The following RIPOR3 variants were observed in gnomAD, a reference collection of about 807,000 sequenced individuals.
RIPOR3 encodes family with sequence similarity 65 member C.
A neutral mutation model predicts 114.3 loss-of-function variants in RIPOR3; 95 were observed. The observed-to-expected ratio is 0.83, with a 90% CI of 0.70 to 0.99. The LOEUF (loss-of-function observed/expected upper bound fraction) is 0.99, where lower values mean the gene tolerates loss of function less well. Ranked by LOEUF, RIPOR3 falls within the 50% of genes least tolerant of loss-of-function variation. The pLI is 0.00. For missense variants in RIPOR3, 1,252 were observed against 1,266.9 expected (o/e 0.99, Z 0.18); for synonymous variants, 575 against 543.8 (o/e 1.06, Z -0.80).
At chr20:50,684,328 G>T (rs2086948045) in intron 1 of RIPOR3, among the ~76,000 whole-genome samples, 2 of 152,198 alleles carry the variant, frequency 1.3e-5, no homozygotes, top group Non-Finnish European at 2.9e-5. Flanking sequence ...GGGCCACTTG[G>T]ATATCTGAAG....
chr20:50,668,560 C>T (rs1332574515), intron 1 of RIPOR3, among the ~76,000 whole-genome samples: 1 of 151,910 alleles, frequency 6.6e-6, no homozygotes, highest in Non-Finnish European at 1.5e-5. Context: ...TGGAGTGCCT[C>T]AAATTAGGGG....
chr20:50,654,890 C>T (rs2123423616), intron 1 of RIPOR3, among the ~76,000 whole-genome samples: 1 of 152,224 alleles, frequency 6.6e-6, no homozygotes, highest in East Asian at 1.9e-4. Context: ...GGACTACAGG[C>T]ACGCACCACC....
intron 7 of RIPOR3, 81 bp downstream of exon 7, chr20:50,609,492 A>ACTGGCCCAGCTCTCGATGTCCCCACTGC (rs2083866723): frequency 1.4e-6 from 2 of 1,445,218 alleles, no homozygotes; most frequent in Non-Finnish European, 1.8e-6. Flanking sequence ...TCCAGCCCCC[A>ACTGGCCCAGCTCTCGATGTCCCCACTGC]CTGGCCCAGC....
intron 3 of RIPOR3, among the ~76,000 whole-genome samples, chr20:50,618,397 C>G (rs1402967864): frequency 6.6e-6 from 1 of 150,514 alleles, no homozygotes; most frequent in African/African-American, 2.5e-5. Flanking sequence ...CCCCTGTCAT[C>G]TGGTCCCCAT....
chr20:50,618,037 A>G (rs1399300091), intron 3 of RIPOR3, among the ~76,000 whole-genome samples: 1 of 152,066 alleles, frequency 6.6e-6, no homozygotes, highest in Non-Finnish European at 1.5e-5. Flanking sequence ...AAGCCAAAGC[A>G]GGTGGATCAC....
chr20:50,626,187 G>A (rs1397025568), intron 2 of RIPOR3, among the ~76,000 whole-genome samples: 1 of 152,270 alleles, frequency 6.6e-6, no homozygotes, highest in African/African-American at 2.4e-5. Context: ...CAGGGAGCTC[G>A]ACGGAGACAG....
chr20:50,616,428 T>C (rs1429682426), intron 3 of RIPOR3, among the ~76,000 whole-genome samples: 4 of 152,328 alleles, frequency 2.6e-5, no homozygotes, highest in African/African-American at 7.2e-5. Flanking sequence ...CTGCAACCTC[T>C]ACTTCCTGGG....
In RIPOR3 at chr20:50,611,224, G is replaced by A. The variant is rs750861280; in HGVS notation, c.349-20C>T. On this transcript the variant is annotated intron_variant, in intron 4 of 21. Coordinates refer to ENST00000327979, the MANE Select transcript of RIPOR3 (RefSeq NM_001290268.2). ...GAAAGCCTGTGAGGGAGGAAAGGAG[G>A]GCGGAAGAAGCTGTCAGAGTCCCAC... 1.2e-6 allele frequency: 2 copies of A among 1,614,062 alleles called. No homozygotes were observed. The highest frequency in any genetic ancestry group is 2.2e-5 in the East Asian group (1 of 44,882).
intron 1 of RIPOR3, among the ~76,000 whole-genome samples, chr20:50,647,027 A>G (rs2085422531): frequency 6.6e-6 from 1 of 152,192 alleles, no homozygotes; most frequent in South Asian, 2.1e-4. Flanking sequence ...AGCTCATGTG[A>G]AAAAGAAAAG....
At chr20:50,618,896 G>A (rs143137192) in intron 3 of RIPOR3, among the ~76,000 whole-genome samples, 68 of 152,224 alleles carry the variant, frequency 4.5e-4, no homozygotes, top group Middle Eastern at 3.4e-3. Context: ...CCAACATGGC[G>A]AAACCCAGTC....
intron 19 of RIPOR3, among the ~76,000 whole-genome samples, chr20:50,591,518 A>T (rs1254225897): frequency 6.6e-6 from 1 of 152,174 alleles, no homozygotes; most frequent in East Asian, 1.9e-4. Context: ...ATAAAGAGTT[A>T]AAAACAACCA....
chr20:50,596,637 C>T (rs927977907), intron 14 of RIPOR3, among the ~76,000 whole-genome samples: 8 of 152,186 alleles, frequency 5.3e-5, no homozygotes, highest in Admixed American at 2.6e-4. Context: ...GCATGAAATA[C>T]GGTGGGCAAG....
Position 50,586,482 on chromosome 20 carries a change from T to G in RIPOR3, c.*750A>C, listed in dbSNP as rs1391124974. The G allele has an allele frequency of 6.6e-6, 1 of 151,966 alleles. No individual in the cohort carries two copies. Among genetic ancestry groups the G allele is most frequent in the Non-Finnish European group, 1.5e-5 (1 of 68,188 alleles). The allele number at this position is 151,966 out of a possible 1,614,324, so 9.4% of individuals were successfully genotyped here. ...TCCGAAGCTGGGTTGATTGATTGCATTTGGGTGCGGATGGCCAAAGTGAGT... is the reference window on the plus strand; with the variant it reads ...TCCGAAGCTGGGTTGATTGATTGCAGTTGGGTGCGGATGGCCAAAGTGAGT... On this transcript the variant is annotated 3_prime_UTR_variant, in exon 22 of 22. Coordinates refer to ENST00000327979, the MANE Select transcript of RIPOR3 (RefSeq NM_001290268.2).
chr20:50,652,606 A>AG, intron 1 of RIPOR3, among the ~76,000 whole-genome samples: 1 of 139,496 alleles, frequency 7.2e-6, no homozygotes, highest in East Asian at 2.1e-4. Flanking sequence ...AAAAAAAAAA[A>AG]AAAAAAAGAA....
At chr20:50,600,945 G>A (rs1332762818) in intron 13 of RIPOR3, among the ~76,000 whole-genome samples, 1 of 152,206 alleles carries the variant, frequency 6.6e-6, no homozygotes, top group African/African-American at 2.4e-5. Context: ...TGTTGGAGGT[G>A]TGGTTGGCGA....
chr20:50,595,612 G>C, intron 15 of RIPOR3, 108 bp from the exon 16 acceptor site: 1 of 1,446,784 alleles, frequency 6.9e-7, no homozygotes, highest in Admixed American at 1.9e-5. Flanking sequence ...TGTCCCGGGG[G>C]CAGCTCCCTG....
In RIPOR3 at chr20:50,587,236, A is replaced by G. The variant is rs776391362; in HGVS notation, c.2849T>C (p.Phe950Ser). Residue 950 changes from phenylalanine to serine, a missense_variant, in exon 22 of 22, where the codon TTT (phenylalanine) becomes TCT (serine). Phe to Ser is a radical substitution (Grantham distance 155). Transcript: ENST00000327979. Reference sequence around the variant, plus strand: ...GTGCTCATCAGCCAGGATTTTTTAAAATATTGTGATTTCAACATCTGCCTC... The same window carrying G: ...GTGCTCATCAGCCAGGATTTTTTAAGATATTGTGATTTCAACATCTGCCTC... ...CQEADVEITI[F>S] The G allele has an allele frequency of 1.9e-6, 3 of 1,613,550 alleles. No homozygotes were observed. Among genetic ancestry groups the G allele is most frequent in the Non-Finnish European group, 2.5e-6 (3 of 1,179,436 alleles).
chr20:50,622,184 CTT>C (rs1291668979), intron 2 of RIPOR3, among the ~76,000 whole-genome samples: 18 of 139,658 alleles, frequency 1.3e-4, no homozygotes, highest in Admixed American at 1.4e-4. Context: ...CATCAGTTCT[CTT>C]TTTTTTTTTT....
intron 1 of RIPOR3, among the ~76,000 whole-genome samples, chr20:50,674,802 G>A (rs936319272): frequency 6.6e-6 from 1 of 151,498 alleles, no homozygotes; most frequent in African/African-American, 2.4e-5. Context: ...GAAACTAAAA[G>A]CCAGGTGCAG....
Sources: gnomAD v4.1 joint callset for allele counts (sites outside exome capture counted in the v4.1 genomes callset) on GRCh38, gnomAD v4.1.1 for gene constraint, MANE v1.5 for transcripts, NCBI Gene and HGNC (gene_info 2026-07-23, HGNC 2026-07-21) for gene names.